The following PCDHGB3 variants were observed in gnomAD, a reference collection of about 807,000 sequenced individuals.
The protein encoded by PCDHGB3 is protocadherin gamma subfamily B, 3.
In PCDHGB3, 40 loss-of-function variants were observed where a neutral mutation model predicts 59.2. The ratio of observed to expected loss-of-function variants is 0.68; its 90% CI spans 0.52 to 0.88. PCDHGB3 has a LOEUF of 0.88. Ranked by LOEUF, PCDHGB3 falls within the 40% of genes least tolerant of loss-of-function variation. The pLI, the probability that PCDHGB3 is intolerant of heterozygous loss-of-function variation, is 0.00. For synonymous variants in PCDHGB3, 581 were observed against 503.6 expected (o/e 1.15, Z -2.06); for missense variants, 1,309 against 1,187.9 (o/e 1.10, Z -1.50).
chr5:141,419,137 CA>C (rs1561778370), intron 1 of PCDHGB3: 1 of 1,613,892 alleles, frequency 6.2e-7, no homozygotes, highest in African/African-American at 1.3e-5. Flanking sequence ...CAGCCACAGA[CA>C]GGGGCAAGCC....
In PCDHGB3 at chr5:141,496,208, G is replaced by T. The variant is rs530974273; in HGVS notation, c.2474+1343G>T. On this transcript the variant is annotated intron_variant, in intron 2 of 3. Coordinates refer to ENST00000576222, the MANE Select transcript of PCDHGB3 (RefSeq NM_018924.5). Reference sequence around the variant, plus strand: ...CCAGCTGCTCATTTCAATCTGGTATGAATTCCTGCTGAGACAGGAACCCCC... The same window carrying T: ...CCAGCTGCTCATTTCAATCTGGTATTAATTCCTGCTGAGACAGGAACCCCC... Among the ~76,000 whole-genome samples, 13 of 152,222 alleles carry T rather than the reference G, an allele frequency of 8.5e-5. No homozygotes were observed. In the East Asian group the frequency reaches 2.3e-3, roughly 27 times the overall value.
Position 141,382,943 on chromosome 5 carries a change from T to C in PCDHGB3, c.2415+10134T>C, listed in dbSNP as rs766692143. On this transcript the variant is annotated intron_variant, in intron 1 of 3. Coordinates refer to ENST00000576222, the MANE Select transcript of PCDHGB3 (RefSeq NM_018924.5). The stretch of plus-strand genomic sequence containing the variant: ...GGCGGGGACTACAGAGGATTCTTCC[T>C]GCTCTCCATCCTCCTGGGGACCCCC... 2.6e-5 allele frequency: 42 copies of C among 1,596,066 alleles called. No individual in the cohort carries two copies. Among genetic ancestry groups the C allele is most frequent in the Non-Finnish European group, 3.5e-5 (41 of 1,169,148 alleles).
intron 1 of PCDHGB3, chr5:141,398,796 C>G (rs765198482): frequency 8.1e-6 from 13 of 1,613,920 alleles, no homozygotes; most frequent in Middle Eastern, 1.6e-4. Context: ...CACCCCTAAG[C>G]GGCACCACTG....
At chr5:141,375,835 C>G (rs772317330) in intron 1 of PCDHGB3, 1 of 1,613,984 alleles carries the variant, frequency 6.2e-7, no homozygotes, top group African/African-American at 1.3e-5. Context: ...CCGCAGAGCC[C>G]GGCTACCTGG....
chr5:141,430,337 C>G (rs531455580), intron 1 of PCDHGB3, among the ~76,000 whole-genome samples: 1 of 150,908 alleles, frequency 6.6e-6, no homozygotes, highest in East Asian at 2.0e-4. Context: ...TTTATAGAAA[C>G]TTCCAATTCA....
chr5:141,507,781 C>A (rs2099863256), intron 3 of PCDHGB3, among the ~76,000 whole-genome samples: 1 of 152,214 alleles, frequency 6.6e-6, no homozygotes, highest in South Asian at 2.1e-4. Flanking sequence ...CAGGGCCTGA[C>A]CCTCGTCTAA....
chr5:141,499,479 C>T (rs1019775735), intron 2 of PCDHGB3, among the ~76,000 whole-genome samples: 1 of 152,146 alleles, frequency 6.6e-6, no homozygotes. Context: ...AGAACCACCA[C>T]CAACTACAGT....
intron 3 of PCDHGB3, among the ~76,000 whole-genome samples, chr5:141,510,424 C>T (rs2154594619): frequency 6.6e-6 from 1 of 152,236 alleles, no homozygotes; most frequent in South Asian, 2.1e-4. Flanking sequence ...GCCATGGTTT[C>T]ATGGCTGCTG....
At chr5:141,508,267 C>G (rs993402135) in intron 3 of PCDHGB3, 5 of 152,336 alleles carry the variant, frequency 3.3e-5, no homozygotes, top group African/African-American at 9.6e-5. Context: ...AAGAGAAAAT[C>G]CCGGTCCTTG....
intron 1 of PCDHGB3, chr5:141,390,095 TC>T (rs1456939693): frequency 6.2e-7 from 1 of 1,613,972 alleles, no homozygotes; most frequent in Non-Finnish European, 8.5e-7. Context: ...AATCCGTGGT[TC>T]CCCCCAACTA....
rs1243327893 is a variant in PCDHGB3, at chr5:141,491,671, C to A, written c.2416-3136C>A. 2.5e-6 allele frequency: 4 copies of A among 1,613,366 alleles called. No homozygotes were observed. Among genetic ancestry groups the A allele is most frequent in the Non-Finnish European group, 3.4e-6 (4 of 1,179,808 alleles). On this transcript the variant is annotated intron_variant, in intron 1 of 3. Coordinates refer to ENST00000576222, the MANE Select transcript of PCDHGB3 (RefSeq NM_018924.5). The surrounding 1 kb of genome is among the most constrained non-coding windows in gnomAD (Gnocchi z 6.9). Reference sequence around the variant, plus strand: ...GCTGGAGCCTGACGCCATCCGGTCCCGCTCTAATACGCTGCGGGAGCGGAG... The same window carrying A: ...GCTGGAGCCTGACGCCATCCGGTCCAGCTCTAATACGCTGCGGGAGCGGAG...
chr5:141,489,844 C>T lies in PCDHGB3; in HGVS notation c.2416-4963C>T, dbSNP rs1004902910. 4.3e-6 allele frequency: 7 copies of T among 1,614,148 alleles called. No homozygotes were observed. The African/African-American group carries it at 9.3e-5, about 22-fold the overall frequency. ...GCTGGTGCTAGAGCAGCAGCTGGAT[C>T]GTGAAGCCCAGGCAAGACATCAGCT... On this transcript the variant is annotated intron_variant, in intron 1 of 3. Transcript: ENST00000576222. The surrounding 1 kb of genome is among the most constrained non-coding windows in gnomAD (Gnocchi z 4.5).
chr5:141,511,182 C>A lies in PCDHGB3; in HGVS notation c.*9C>A. ...AGAAGGAGAAGAAGTAACATGGAGG[C>A]CAGGCCAAGAGCCACAGGGCGGCCT... is the stretch of plus-strand genomic sequence containing the variant. On this transcript the variant is annotated 3_prime_UTR_variant, in exon 4 of 4. Transcript: ENST00000576222. 6.2e-7 allele frequency: 1 copy of A among 1,614,022 alleles called. No homozygotes were observed. Among genetic ancestry groups the A allele is most frequent in the Non-Finnish European group, 8.5e-7 (1 of 1,179,946 alleles).
chr5:141,393,382 T>C (rs778957877), intron 1 of PCDHGB3: 7 of 1,613,948 alleles, frequency 4.3e-6, no homozygotes, highest in Non-Finnish European at 5.9e-6. Flanking sequence ...AATGGAGCCA[T>C]AAACCCAGAG....
intron 1 of PCDHGB3, among the ~76,000 whole-genome samples, chr5:141,449,041 C>T (rs998143732): frequency 3.3e-5 from 5 of 152,126 alleles, no homozygotes; most frequent in Admixed American, 3.3e-4. Flanking sequence ...GATTATTAAC[C>T]AGTCTCATAA....
chr5:141,383,541 C>T lies in PCDHGB3; in HGVS notation c.2415+10732C>T, dbSNP rs1197504109. 4 of 1,612,656 alleles carry T rather than the reference C, an allele frequency of 2.5e-6. No individual in the cohort carries two copies. In the East Asian group the frequency reaches 6.7e-5, roughly 27 times the overall value. ...GGGTTCACCACCTGGTCCTCACAGC[C>T]TCTGATGGCGGCGACCCGCCCCGAT... On this transcript the variant is annotated intron_variant, in intron 1 of 3. Coordinates refer to ENST00000576222, the MANE Select transcript of PCDHGB3 (RefSeq NM_018924.5).
chr5:141,444,350 T>C (rs1021358194), intron 1 of PCDHGB3, among the ~76,000 whole-genome samples: 7 of 151,946 alleles, frequency 4.6e-5, no homozygotes, highest in Admixed American at 2.0e-4. Context: ...TTTGTATTTT[T>C]AGTAGAGACG....
intron 1 of PCDHGB3, among the ~76,000 whole-genome samples, chr5:141,462,678 T>G (rs923728894): frequency 1.3e-5 from 2 of 152,210 alleles, no homozygotes; most frequent in South Asian, 4.1e-4. Flanking sequence ...TTCTTTAAAT[T>G]TTTGAGCACA....
Position 141,476,294 on chromosome 5 carries a change from A to G in PCDHGB3, c.2416-18513A>G. 6.2e-7 allele frequency: 1 copy of G among 1,613,036 alleles called. No homozygotes were observed. The highest frequency in any genetic ancestry group is 8.5e-7 in the Non-Finnish European group (1 of 1,179,642). On this transcript the variant is annotated intron_variant, in intron 1 of 3. Transcript: ENST00000576222. The surrounding 1 kb of genome is among the most constrained non-coding windows in gnomAD (Gnocchi z 7.6). ...CGCGAACCTTGGTTTGGATCTCGGT[A>G]GCCTCTCAGCCCGCAGGTTCCGGGT...
Sources: gnomAD v4.1 joint callset for allele counts (sites outside exome capture counted in the v4.1 genomes callset) on GRCh38, gnomAD v4.1.1 for gene constraint, Gnocchi (gnomAD v3.1) non-coding constraint, MANE v1.5 for transcripts, NCBI Gene and HGNC (gene_info 2026-07-23, HGNC 2026-07-21) for gene names.